URI1: variants seen among roughly 807,000 people sequenced by gnomAD.
URI1 encodes URI1 prefoldin like chaperone.
Under a neutral mutation model 60.2 loss-of-function variants are expected in URI1, and 39 were observed. The ratio of observed to expected loss-of-function variants is 0.65; its 90% CI spans 0.50 to 0.85. URI1 has a LOEUF of 0.85. Among genes scored for constraint, URI1 ranks in the 40% least tolerant of loss-of-function variants. The pLI is 0.00. For missense variants in URI1, 691 were observed against 665.9 expected (o/e 1.04, Z -0.42); for synonymous variants, 251 against 236.8 (o/e 1.06, Z -0.55).
chr19:30,002,282 T>C (rs1266740898), intron 4 of URI1, among the ~76,000 whole-genome samples: 1 of 152,090 alleles, frequency 6.6e-6, no homozygotes, highest in East Asian at 1.9e-4. Context: ...TTTCTAAATA[T>C]TTGGTCTTAC....
rs1191447873 is a variant in URI1 at position 29,942,399 on chromosome 19, A to G, written c.-149A>G. ...GGCAGCGGGCGGCGCGGACGCGAACAGCAGCGGCGGCGGCGGGCGCGGCCT... is the reference window on the plus strand; with the variant it reads ...GGCAGCGGGCGGCGCGGACGCGAACGGCAGCGGCGGCGGCGGGCGCGGCCT... On this transcript the variant is annotated 5_prime_UTR_variant, in exon 1 of 11. Coordinates refer to ENST00000392271, the MANE Select transcript of URI1 (RefSeq NM_003796.3). 4 of 982,968 alleles carry G rather than the reference A, an allele frequency of 4.1e-6. No individual in the cohort carries two copies. Among genetic ancestry groups the G allele is most frequent in the Non-Finnish European group, 4.8e-6 (4 of 828,944 alleles). The allele number at this position is 982,968 out of a possible 1,614,324, so 60.9% of individuals were successfully genotyped here. A position where few individuals can be genotyped will look rare whatever the true frequency, so the allele number is the denominator to read the frequency against.
At chr19:29,952,075 T>C (rs568233271) in intron 1 of URI1, among the ~76,000 whole-genome samples, 26 of 152,364 alleles carry the variant, frequency 1.7e-4, no homozygotes, top group African/African-American at 6.3e-4. Flanking sequence ...ACCTTCAATA[T>C]ACCAGAAAAA....
At chr19:29,926,241 TTCCTTC>T (rs2054865195) in intron 1 of URI1, among the ~76,000 whole-genome samples, 1 of 109,136 alleles carries the variant, frequency 9.2e-6, no homozygotes, top group South Asian at 3.0e-4. Context: ...CTCTCCTTCC[TTCCTTC>T]CTTCCTTCCT....
In URI1 at chr19:30,016,118, A is replaced by T. The variant is rs544049151; in HGVS notation, c.*1049A>T. 1 of 152,324 alleles carries T rather than the reference A, an allele frequency of 6.6e-6. No homozygotes were observed. The highest frequency in any genetic ancestry group is 1.9e-4 in the East Asian group (1 of 5,186). 9.4% of individuals were successfully genotyped at this position (152,324 alleles called of 1,614,324 possible). On this transcript the variant is annotated 3_prime_UTR_variant, in exon 11 of 11. Transcript: ENST00000392271. ...TAAAATAAGCCATCAATGCCAGTCC[A>T]CCCTCTCTATTCATGGCTAAATATT...
At chr19:29,970,051 C>T (rs1251919552) in intron 1 of URI1, among the ~76,000 whole-genome samples, 1 of 149,336 alleles carries the variant, frequency 6.7e-6, no homozygotes, top group Non-Finnish European at 1.5e-5. Context: ...TAAAATGTCC[C>T]AAAAGAGGAC....
chr19:29,939,669 G>C (rs182477763), upstream of URI1, among the ~76,000 whole-genome samples: 1 of 152,318 alleles, frequency 6.6e-6, no homozygotes, highest in East Asian at 1.9e-4. Context: ...GGGCTTTTGT[G>C]GACAGGAGAT....
chr19:29,965,972 CTT>C (rs1249487456), intron 1 of URI1, among the ~76,000 whole-genome samples: 1 of 152,154 alleles, frequency 6.6e-6, no homozygotes. Flanking sequence ...ATTAAGGAGA[CTT>C]TTGATTCCAT....
intron 6 of URI1, 135 bp downstream of exon 6, chr19:30,005,843 A>G (rs2055935764): frequency 1.3e-6 from 1 of 763,620 alleles, no homozygotes. Flanking sequence ...TTTTCTACTC[A>G]TTGATTTTTT....
intron 1 of URI1, among the ~76,000 whole-genome samples, chr19:29,947,008 G>A (rs946717644): frequency 2.6e-5 from 4 of 152,102 alleles, no homozygotes; most frequent in African/African-American, 9.7e-5. Flanking sequence ...GTGAGTGGAG[G>A]GATGGTGTCT....
chr19:29,992,662 T>C, intron 4 of URI1, among the ~76,000 whole-genome samples: 1 of 152,370 alleles, frequency 6.6e-6, no homozygotes, highest in Non-Finnish European at 1.5e-5. Flanking sequence ...AAAGTTTTAC[T>C]CTAAATACTT....
intron 6 of URI1, among the ~76,000 whole-genome samples, chr19:30,006,110 T>G (rs2055939387): frequency 6.6e-6 from 1 of 152,066 alleles, no homozygotes; most frequent in African/African-American, 2.4e-5. Context: ...TTTGGAAGAA[T>G]GAATGAATGT....
At chr19:29,994,953 T>C (rs990634023) in intron 4 of URI1, among the ~76,000 whole-genome samples, 2 of 152,000 alleles carry the variant, frequency 1.3e-5, no homozygotes, top group Admixed American at 6.6e-5. Context: ...ACTAATTTTT[T>C]GTATTTTTAG....
chr19:29,957,352 G>C (rs915079580), intron 1 of URI1, among the ~76,000 whole-genome samples: 3 of 143,566 alleles, frequency 2.1e-5, no homozygotes, highest in African/African-American at 7.6e-5. Context: ...GCCAGATATT[G>C]TAACAAAAAA....
intron 2 of URI1, among the ~76,000 whole-genome samples, chr19:29,973,306 C>T (rs1287480292): frequency 6.6e-6 from 1 of 152,036 alleles, no homozygotes; most frequent in Non-Finnish European, 1.5e-5. Flanking sequence ...GTGCTATTTG[C>T]GGAGATATGA....
intron 1 of URI1, among the ~76,000 whole-genome samples, chr19:29,950,461 A>T (rs1241061392): frequency 6.6e-6 from 1 of 152,232 alleles, no homozygotes; most frequent in Non-Finnish European, 1.5e-5. Context: ...TTATTTGAAA[A>T]ATTATAAAAG....
At position 29,942,424 on chromosome 19, in the gene URI1, T is replaced by A. The variant is rs1212208505; in HGVS notation, c.-124T>A. 1.0e-6 allele frequency: 1 copy of A among 983,304 alleles called. No homozygotes were observed. The highest frequency in any genetic ancestry group is 1.2e-6 in the Non-Finnish European group (1 of 829,392). The allele number at this position is 983,304 out of a possible 1,614,324, so 60.9% of individuals were successfully genotyped here. A position where few individuals can be genotyped will look rare whatever the true frequency, so the allele number is the denominator to read the frequency against. ...AGCAGCGGCGGCGGCGGGCGCGGCC[T>A]CCTGGGCGCGGGGCGCGCGGTGCCT... is the stretch of plus-strand genomic sequence containing the variant. On this transcript the variant is annotated 5_prime_UTR_variant, in exon 1 of 11. Coordinates refer to ENST00000392271, the MANE Select transcript of URI1 (RefSeq NM_003796.3).
Position 30,012,443 on chromosome 19 carries a change from C to G in URI1, c.1337C>G (p.Ala446Gly). 3 of 1,614,140 alleles carry G rather than the reference C, an allele frequency of 1.9e-6. No individual in the cohort carries two copies. The highest frequency in any genetic ancestry group is 2.5e-6 in the Non-Finnish European group (3 of 1,180,008). ...TTGAGGAGTATCAGCTGCGAAGAAGCCACTTGCAGTGACACCAGTGAGAGC... is the reference window on the plus strand; with the variant it reads ...TTGAGGAGTATCAGCTGCGAAGAAGGCACTTGCAGTGACACCAGTGAGAGC... ...GVLRSISCEE[A>G]TCSDTSESIL... is the part of the protein sequence containing the mutation. The change falls in exon 10 of 11, where the codon GCC becomes GGC. Residue 446 changes from alanine (A) to glycine (G), a missense_variant. Ala to Gly is a moderately conservative substitution (Grantham distance 60, BLOSUM62 0). Transcript: ENST00000392271.
At position 30,015,126 on chromosome 19, in the gene URI1, A is replaced by G; in HGVS notation, c.*57A>G. 1.3e-6 allele frequency: 2 copies of G among 1,570,588 alleles called. No homozygotes were observed. Among genetic ancestry groups the G allele is most frequent in the Non-Finnish European group, 8.6e-7 (1 of 1,161,836 alleles). On this transcript the variant is annotated 3_prime_UTR_variant, in exon 11 of 11. Transcript: ENST00000392271. The stretch of plus-strand genomic sequence containing the variant: ...AAAACCTAGTTGTTCATTTGTTTAG[A>G]GTATCTATAGCAAAATAGGTTACAT...
intron 1 of URI1, among the ~76,000 whole-genome samples, chr19:29,958,315 A>G (rs113035839): frequency 1.3e-5 from 2 of 152,132 alleles, no homozygotes; most frequent in African/African-American, 4.8e-5. Context: ...ACATACCAGG[A>G]GGGCAGTTTT....
Sources: allele counts gnomAD v4.1 joint callset (sites outside exome capture counted in the v4.1 genomes callset), GRCh38; gene constraint gnomAD v4.1.1; transcripts MANE v1.5; gene names NCBI Gene and HGNC (gene_info 2026-07-23, HGNC 2026-07-21).